DDAH1: variants seen among roughly 807,000 people sequenced by gnomAD.
DDAH1 encodes dimethylarginine dimethylaminohydrolase 1.
In DDAH1, 19 loss-of-function variants were observed where a neutral mutation model predicts 28.8. The observed-to-expected ratio is 0.66, with a 90% confidence interval of 0.46 to 0.97. The LOEUF (loss-of-function observed/expected upper bound fraction) is 0.97. Among genes scored for constraint, DDAH1 ranks in the 50% least tolerant of loss-of-function variants. The pLI, the probability that DDAH1 is intolerant of heterozygous loss-of-function variation, is 0.00. For synonymous variants in DDAH1, 153 were observed against 154.4 expected (o/e 0.99, Z 0.07); for missense variants, 326 against 375.9 (o/e 0.87, Z 1.10).
intron 1 of DDAH1, among the ~76,000 whole-genome samples, chr1:85,535,029 C>T (rs1419756106): frequency 7.3e-5 from 11 of 151,028 alleles, no homozygotes; most frequent in Admixed American, 1.3e-4. Context: ...TTTTTTTTTC[C>T]CGTGGAAATG....
chr1:85,400,513 G>C (rs532764149), intron 1 of DDAH1, among the ~76,000 whole-genome samples: 1 of 152,060 alleles, frequency 6.6e-6, no homozygotes, highest in East Asian at 1.9e-4. Context: ...TACTCTTGCA[G>C]AAATTCTAAA....
At chr1:85,342,623 G>A (rs1648574086) in intron 4 of DDAH1, among the ~76,000 whole-genome samples, 1 of 152,118 alleles carries the variant, frequency 6.6e-6, no homozygotes, top group African/African-American at 2.4e-5. Context: ...AACCTAAGAA[G>A]TTTCTAGTTT....
At chr1:85,476,115 A>C (rs1570589931) in intron 2 of DDAH1, among the ~76,000 whole-genome samples, 1 of 151,950 alleles carries the variant, frequency 6.6e-6, no homozygotes, top group East Asian at 1.9e-4. Context: ...GTCTGCCTCA[A>C]CCTCCCAAAG....
At chr1:85,424,095 A>G (rs984382735) in intron 1 of DDAH1, among the ~76,000 whole-genome samples, 1 of 152,118 alleles carries the variant, frequency 6.6e-6, no homozygotes, top group Non-Finnish European at 1.5e-5. Flanking sequence ...ATTTTTTTAT[A>G]TATTATTAGA....
chr1:85,412,492 T>A (rs1182947799), intron 1 of DDAH1, among the ~76,000 whole-genome samples: 2 of 152,202 alleles, frequency 1.3e-5, no homozygotes, highest in Admixed American at 1.3e-4. Flanking sequence ...TTTCTTTCAC[T>A]GAGAACATCT....
chr1:85,568,439 A>G (rs1337879209), intron 1 of DDAH1, among the ~76,000 whole-genome samples: 1 of 152,190 alleles, frequency 6.6e-6, no homozygotes, highest in African/African-American at 2.4e-5. Context: ...CACTGTGCCC[A>G]CTGCCTAGGG....
At chr1:85,346,865 A>G (rs1202625216) in intron 4 of DDAH1, among the ~76,000 whole-genome samples, 1 of 152,222 alleles carries the variant, frequency 6.6e-6, no homozygotes, top group Non-Finnish European at 1.5e-5. Flanking sequence ...CAATCTACTC[A>G]TCTGACAAAG....
chr1:85,545,830 G>A (rs1026966903), intron 1 of DDAH1, among the ~76,000 whole-genome samples: 11 of 152,052 alleles, frequency 7.2e-5, no homozygotes, highest in Admixed American at 6.6e-4. Flanking sequence ...CCCATGTATT[G>A]CCTACTTCTT....
chr1:85,428,189 T>C (rs1653499571), intron 1 of DDAH1, among the ~76,000 whole-genome samples: 1 of 152,160 alleles, frequency 6.6e-6, no homozygotes, highest in Non-Finnish European at 1.5e-5. Context: ...TTATTGTATG[T>C]GTAGAGGTTT....
intron 1 of DDAH1, among the ~76,000 whole-genome samples, chr1:85,511,515 G>C (rs1381979061): frequency 6.6e-6 from 1 of 152,112 alleles, no homozygotes; most frequent in African/African-American, 2.4e-5. Context: ...AGAACTGAAA[G>C]GGATAGAGAC....
rs1553143261 is a variant in DDAH1 at position 85,507,523 on chromosome 1, T to TAAACAAACAAAC, written c.-122-11243_-122-11242insGTTTGTTTGTTT. Among the ~76,000 whole-genome samples, 214 of 82,188 alleles carry TAAACAAACAAAC rather than the reference T, an allele frequency of 2.6e-3. 1 individual carries two copies. Among genetic ancestry groups the TAAACAAACAAAC allele is most frequent in the African/African-American group, 9.7e-3 (209 of 21,588 alleles). 53.9% of individuals were successfully genotyped at this position (82,188 alleles called of 152,430 possible). On this transcript the variant is annotated intron_variant, in intron 1 of 6. Coordinates refer to the DDAH1 transcript ENST00000426972. ...GCATCACAATAAATAAATAAATAAA[T>TAAACAAACAAAC]AAATAAACAAACAAACAGCATCTCC...
upstream of DDAH1, among the ~76,000 whole-genome samples, chr1:85,469,917 A>G (rs966291065): frequency 2.2e-4 from 33 of 152,234 alleles, no homozygotes; most frequent in Admixed American, 3.9e-4. Context: ...TCTGTTTGAC[A>G]TACCTAAAGC....
intron 1 of DDAH1, among the ~76,000 whole-genome samples, chr1:85,415,264 T>A (rs982171308): frequency 6.6e-6 from 1 of 152,156 alleles, no homozygotes. Flanking sequence ...TCCACCCACC[T>A]TGGCCTCCCA....
chr1:85,492,346 G>A (rs1257430886), intron 2 of DDAH1, among the ~76,000 whole-genome samples: 1 of 152,194 alleles, frequency 6.6e-6, no homozygotes, highest in African/African-American at 2.4e-5. Context: ...CTTAGGTTAA[G>A]TGGAACATTG....
intron 2 of DDAH1, among the ~76,000 whole-genome samples, chr1:85,356,820 A>T (rs1376905693): frequency 6.6e-6 from 1 of 152,228 alleles, no homozygotes; most frequent in Admixed American, 6.5e-5. Context: ...TGCTAGGGAA[A>T]GACCTTTGAC....
intron 1 of DDAH1, among the ~76,000 whole-genome samples, chr1:85,367,818 G>C (rs1650153726): frequency 6.6e-6 from 1 of 152,176 alleles, no homozygotes; most frequent in Non-Finnish European, 1.5e-5. Context: ...TGGCAGGGCA[G>C]AGAGAGGGAA....
rs1055737325 is a variant in DDAH1 at position 85,324,728 on chromosome 1, A to G, written c.741+12T>C. ...GACCCAGCTGCAGTGGTCAGAAGGG[A>G]TATTTTTTTACCTTTGCACTTTCTG... On this transcript the variant is annotated intron_variant, in intron 5 of 5. Coordinates refer to ENST00000284031, the MANE Select transcript of DDAH1 (RefSeq NM_012137.4). 6.2e-7 allele frequency: 1 copy of G among 1,613,928 alleles called. No individual in the cohort carries two copies. The highest frequency in any genetic ancestry group is 1.3e-5 in the African/African-American group (1 of 74,900).
intron 1 of DDAH1, among the ~76,000 whole-genome samples, chr1:85,529,483 A>C (rs1280809262): frequency 6.6e-6 from 1 of 151,298 alleles, no homozygotes; most frequent in Admixed American, 6.6e-5. Context: ...ACCCTTTGAG[A>C]ATCTCCTTTT....
rs530223029 is a variant in DDAH1 at position 85,516,251 on chromosome 1, A to T, written c.-122-19970T>A. On this transcript the variant is annotated intron_variant, in intron 1 of 6. Transcript: ENST00000426972. ...GGATAGAAAAAAGCTATGTGATAGAACAGATACATACTTGAGAAACTCAGG... is the reference window on the plus strand; with the variant it reads ...GGATAGAAAAAAGCTATGTGATAGATCAGATACATACTTGAGAAACTCAGG... Among the ~76,000 whole-genome samples the T allele has an allele frequency of 4.6e-3, 706 of 151,980 alleles. 3 individuals carry two copies. The highest frequency in any genetic ancestry group is 7.6e-3 in the Non-Finnish European group (518 of 67,980).
Sources: allele counts gnomAD v4.1 joint callset (sites outside exome capture counted in the v4.1 genomes callset), GRCh38; gene constraint gnomAD v4.1.1; transcripts MANE v1.5; gene names NCBI Gene and HGNC (gene_info 2026-07-23, HGNC 2026-07-21).